The following UBE2E2 variants were observed in gnomAD, a reference collection of about 807,000 sequenced individuals.
The protein encoded by UBE2E2 is ubiquitin-conjugating enzyme E2 E2.
Under a neutral mutation model 24.7 loss-of-function variants are expected in UBE2E2, and 6 were observed. The ratio of observed to expected loss-of-function variants is 0.24; its 90% CI spans 0.13 to 0.48. UBE2E2 has a LOEUF of 0.48. UBE2E2 is among the 20% of genes least tolerant of loss of function. The pLI is 0.99. For missense variants in UBE2E2, 169 were observed against 245.0 expected, an observed-to-expected ratio of 0.69 and a Z score of 2.07; for synonymous variants, 104 against 83.6, an observed-to-expected ratio of 1.24 and a Z score of -1.33.
At chr3:23,321,490 G>T (rs1371276252) in intron 3 of UBE2E2, among the ~76,000 whole-genome samples, 2 of 151,724 alleles carry the variant, frequency 1.3e-5, no homozygotes, top group South Asian at 4.2e-4. Flanking sequence ...TCTGTAGCAT[G>T]GAGCTTTGGG....
chr3:23,367,024 TG>T (rs1252750995), intron 3 of UBE2E2, among the ~76,000 whole-genome samples: 2 of 152,230 alleles, frequency 1.3e-5, no homozygotes, highest in Non-Finnish European at 2.9e-5. Context: ...TCTTAGTCCT[TG>T]GCAGACAAGT....
intron 5 of UBE2E2, among the ~76,000 whole-genome samples, chr3:23,584,880 A>G (rs1289816439): frequency 2.6e-5 from 4 of 151,994 alleles, no homozygotes; most frequent in South Asian, 2.1e-4. Flanking sequence ...TTGGTATGAC[A>G]GTCTTTCACT....
At chr3:23,469,477 C>G (rs1186252380) in intron 3 of UBE2E2, among the ~76,000 whole-genome samples, 1 of 152,142 alleles carries the variant, frequency 6.6e-6, no homozygotes, top group Non-Finnish European at 1.5e-5. Flanking sequence ...CATACTATGG[C>G]TTTACCTTCA....
At chr3:23,427,292 T>A (rs1393988765) in intron 3 of UBE2E2, among the ~76,000 whole-genome samples, 1 of 148,282 alleles carries the variant, frequency 6.7e-6, no homozygotes, top group African/African-American at 2.5e-5. Context: ...TAGCCAGGTG[T>A]CATTGTATGT....
At chr3:23,412,108 T>G (rs749800611) in intron 3 of UBE2E2, among the ~76,000 whole-genome samples, 5 of 152,030 alleles carry the variant, frequency 3.3e-5, no homozygotes, top group Admixed American at 6.6e-5. Context: ...CAAGGAAAAG[T>G]AGAAAGCTCC....
At chr3:23,542,798 A>G (rs1695422546) in intron 5 of UBE2E2, among the ~76,000 whole-genome samples, 1 of 152,104 alleles carries the variant, frequency 6.6e-6, no homozygotes, top group Non-Finnish European at 1.5e-5. Context: ...AGCAAAGTAT[A>G]TTTGTCAGTT....
intron 3 of UBE2E2, among the ~76,000 whole-genome samples, chr3:23,399,213 T>TC (rs1697154659): frequency 6.6e-6 from 1 of 152,214 alleles, no homozygotes; most frequent in African/African-American, 2.4e-5. Context: ...TTAAGAACGT[T>TC]TATCTTTTCA....
chr3:23,326,759 G>T, intron 3 of UBE2E2, among the ~76,000 whole-genome samples: 1 of 152,096 alleles, frequency 6.6e-6, no homozygotes, highest in East Asian at 1.9e-4. Context: ...GTCCCATGTT[G>T]GTGCGCTGCA....
intron 2 of UBE2E2, 93 bp from the exon 3 acceptor site, chr3:23,217,169 A>G (rs1696498618): frequency 1.7e-6 from 2 of 1,190,736 alleles, no homozygotes; most frequent in Non-Finnish European, 2.4e-6. Flanking sequence ...AATATACCAA[A>G]GGGAAATGTT....
intron 3 of UBE2E2, among the ~76,000 whole-genome samples, chr3:23,465,055 T>C (rs761618395): frequency 1.3e-5 from 2 of 152,242 alleles, no homozygotes; most frequent in Admixed American, 1.3e-4. Flanking sequence ...CAAAGAGATG[T>C]TGCTTCATGT....
chr3:23,204,885 G>T, intron 1 of UBE2E2: 2 of 524,634 alleles, frequency 3.8e-6, no homozygotes, highest in Non-Finnish European at 4.9e-6. Context: ...AAGCTTAAAT[G>T]AACACTTGGT....
At chr3:23,348,917 A>G (rs1695642078) in intron 3 of UBE2E2, among the ~76,000 whole-genome samples, 1 of 152,168 alleles carries the variant, frequency 6.6e-6, no homozygotes, top group South Asian at 2.1e-4. Context: ...GCCAAAGGGC[A>G]GTTTTTATAG....
intron 3 of UBE2E2, among the ~76,000 whole-genome samples, chr3:23,399,369 G>A (rs1697160812): frequency 1.3e-5 from 2 of 152,166 alleles, no homozygotes; most frequent in African/African-American, 4.8e-5. Context: ...AACTGAGATG[G>A]CTGCCTAAGT....
At chr3:23,262,466 A>C (rs1697930726) in intron 3 of UBE2E2, among the ~76,000 whole-genome samples, 1 of 151,996 alleles carries the variant, frequency 6.6e-6, no homozygotes. Flanking sequence ...TTTTTTGTGG[A>C]GATGCGGTCT....
intron 3 of UBE2E2, among the ~76,000 whole-genome samples, chr3:23,316,790 G>C (rs1342407114): frequency 6.6e-6 from 1 of 152,038 alleles, no homozygotes; most frequent in African/African-American, 2.4e-5. Context: ...TGATCATTTA[G>C]GGCCTAAGCG....
intron 3 of UBE2E2, among the ~76,000 whole-genome samples, chr3:23,433,786 AATTTAC>A (rs1313639954): frequency 2.6e-5 from 4 of 151,960 alleles, no homozygotes; most frequent in Non-Finnish European, 5.9e-5. Context: ...TCTTTTTATA[AATTTAC>A]AACTTCCAAG....
At chr3:23,528,241 A>G (rs1486296587) in intron 4 of UBE2E2, among the ~76,000 whole-genome samples, 2 of 152,256 alleles carry the variant, frequency 1.3e-5, no homozygotes. Flanking sequence ...CCAATCTCAT[A>G]GAAACCCAGA....
chr3:23,471,623 A>T (rs1699034132), intron 3 of UBE2E2, among the ~76,000 whole-genome samples: 1 of 152,224 alleles, frequency 6.6e-6, no homozygotes, highest in Non-Finnish European at 1.5e-5. Flanking sequence ...AAAGTGATTC[A>T]GTTTGATAGT....
intron 3 of UBE2E2, among the ~76,000 whole-genome samples, chr3:23,484,744 A>G (rs1699326167): frequency 6.6e-6 from 1 of 152,114 alleles, no homozygotes; most frequent in Non-Finnish European, 1.5e-5. Context: ...GTGAAGGGGG[A>G]GCAAAGGCAG....
Sources: allele counts gnomAD v4.1 joint callset (sites outside exome capture counted in the v4.1 genomes callset), GRCh38; gene constraint gnomAD v4.1.1; transcripts MANE v1.5; gene names NCBI Gene and HGNC (gene_info 2026-07-23, HGNC 2026-07-21).